Variants in ADAM28 observed in about 807,000 individuals in gnomAD.
The protein encoded by ADAM28 is ADAM metallopeptidase domain 28.
In ADAM28, 105 loss-of-function variants were observed where a neutral mutation model predicts 101.2. That is an observed-to-expected ratio of 1.04 (90% CI 0.89 to 1.22). The LOEUF is 1.22. Ranked by LOEUF, ADAM28 falls within the 50% of genes most tolerant of loss-of-function variation. ADAM28 has a pLI of 0.00. For missense variants in ADAM28, 1,028 were observed against 945.4 expected (o/e 1.09, Z -1.15); for synonymous variants, 322 against 310.6 (o/e 1.04, Z -0.39).
At chr8:24,294,225 T>G in intron 1 of ADAM28, 30 bp downstream of exon 1, 1 of 1,611,856 alleles carries the variant, frequency 6.2e-7, no homozygotes, top group Non-Finnish European at 8.5e-7. Flanking sequence ...TCAGGTTCTA[T>G]TGAATGCATT....
At chr8:24,321,005 GTAC>G (rs1224203887) in intron 7 of ADAM28, among the ~76,000 whole-genome samples, 1 of 151,860 alleles carries the variant, frequency 6.6e-6, no homozygotes, top group Non-Finnish European at 1.5e-5. Flanking sequence ...TACTGAGCTA[GTAC>G]TTCAGAAGAG....
intron 11 of ADAM28, among the ~76,000 whole-genome samples, chr8:24,330,886 A>G (rs1813275267): frequency 6.6e-6 from 1 of 152,180 alleles, no homozygotes; most frequent in African/African-American, 2.4e-5. Flanking sequence ...CAGATGATCT[A>G]AGATTATCTG....
At chr8:24,301,633 T>C (rs1258185434) in intron 2 of ADAM28, among the ~76,000 whole-genome samples, 1 of 152,118 alleles carries the variant, frequency 6.6e-6, no homozygotes, top group African/African-American at 2.4e-5. Flanking sequence ...AGCTTATACG[T>C]TTTCTAGCTA....
At chr8:24,298,139 A>T (rs1035869458) in intron 1 of ADAM28, among the ~76,000 whole-genome samples, 3 of 152,224 alleles carry the variant, frequency 2.0e-5, no homozygotes, top group Admixed American at 2.0e-4. Context: ...CTAGCTTTAG[A>T]AACCATTTAA....
At chr8:24,300,448 G>A (rs1430073358) in intron 2 of ADAM28, among the ~76,000 whole-genome samples, 2 of 151,618 alleles carry the variant, frequency 1.3e-5, no homozygotes, top group African/African-American at 2.4e-5. Flanking sequence ...ACAGAGTCTC[G>A]CTCTGTCGCC....
chr8:24,335,786 G>A lies in ADAM28; in HGVS notation c.1567+145G>A, dbSNP rs149724982. On this transcript the variant is annotated intron_variant, in intron 14 of 22. Transcript: ENST00000265769. ...ATCATGGAAAGGTTTTAAGATTTGA[G>A]GTTGGTTTTAGGGTTGCTAGATTTA... 690 of 1,315,088 alleles carry A rather than the reference G, an allele frequency of 5.2e-4. 5 individuals carry two copies. The African/African-American group carries it at 9.4e-3, about 18-fold the overall frequency. The allele number at this position is 1,315,088 out of a possible 1,614,324, so 81.5% of individuals were successfully genotyped here. A position where few individuals can be genotyped will look rare whatever the true frequency, so the allele number is the denominator to read the frequency against.
intron 7 of ADAM28, among the ~76,000 whole-genome samples, chr8:24,320,590 C>T (rs767323212): frequency 1.3e-4 from 19 of 151,910 alleles, no homozygotes; most frequent in Non-Finnish European, 2.5e-4. Flanking sequence ...CAATTACATT[C>T]TTCTGTCATT....
rs1474053741 is a variant in ADAM28 at position 24,357,068 on chromosome 8, C to CTGAGT, written c.*2666_*2670dup. 12 of 152,232 alleles carry CTGAGT rather than the reference C, an allele frequency of 7.9e-5. No individual in the cohort carries two copies. In the East Asian group the frequency reaches 2.3e-3, roughly 29 times the overall value. The allele number at this position is 152,232 out of a possible 1,614,324, so 9.4% of individuals were successfully genotyped here. A position where few individuals can be genotyped will look rare whatever the true frequency, so the allele number is the denominator to read the frequency against. On this transcript the variant is annotated 3_prime_UTR_variant, in exon 23 of 23. Coordinates refer to ENST00000265769, the MANE Select transcript of ADAM28 (RefSeq NM_014265.6). The stretch of plus-strand genomic sequence containing the variant: ...TAGCAGCCATTAAGAAAATGAGCCC[C>CTGAGT]TGAGTTCAACGACCCTCAAATGAAG...
chr8:24,316,922 A>G (rs1014876002), intron 6 of ADAM28, among the ~76,000 whole-genome samples: 2 of 152,066 alleles, frequency 1.3e-5, no homozygotes, highest in African/African-American at 4.8e-5. Flanking sequence ...TACACGAATA[A>G]CAACCTAGCC....
intron 20 of ADAM28, 138 bp downstream of exon 20, chr8:24,351,448 T>C: frequency 2.2e-6 from 2 of 918,820 alleles, no homozygotes; most frequent in Admixed American, 2.0e-5. Flanking sequence ...CCTTTGCCTT[T>C]TGTTAAAGGC....
intron 10 of ADAM28, among the ~76,000 whole-genome samples, chr8:24,327,095 G>A (rs947986620): frequency 2.6e-5 from 4 of 152,014 alleles, no homozygotes; most frequent in Non-Finnish European, 4.4e-5. Context: ...AGAAAGAGAG[G>A]AAGTCAAATT....
chr8:24,316,261 T>C (rs1261983279), intron 6 of ADAM28, among the ~76,000 whole-genome samples: 4 of 151,982 alleles, frequency 2.6e-5, no homozygotes, highest in African/African-American at 9.7e-5. Context: ...GTCATTCTTA[T>C]ATTCTTCTTT....
At chr8:24,324,825 G>GAT (rs746438165) in intron 9 of ADAM28, among the ~76,000 whole-genome samples, 33 of 151,932 alleles carry the variant, frequency 2.2e-4, no homozygotes, top group Non-Finnish European at 4.0e-4. Flanking sequence ...GGCTATCTTA[G>GAT]AGTAGGTGGA....
Position 24,299,999 on chromosome 8 carries a change from G to T in ADAM28, c.72G>T (p.Gly24=). The T allele has an allele frequency of 6.2e-7, 1 of 1,612,886 alleles. No homozygotes were observed. Residue 24 remains glycine (G), a synonymous_variant, in exon 2 of 23, where the codon GGG becomes GGT. Transcript: ENST00000265769. ...VAVSAIKELP[G]VKKYEVVYPI... ...TAAGTGCTATAAAAGAACTCCCTGG[G>T]GTGAAGAAGTATGAAGTGGTTTATC... is the stretch of plus-strand genomic sequence containing the variant.
Position 24,330,101 on chromosome 8 carries a change from G to A in ADAM28, c.1089G>A (p.Met363Ile), listed in dbSNP as rs747083377. 7 of 1,613,172 alleles carry A rather than the reference G, an allele frequency of 4.3e-6. No homozygotes were observed. In the East Asian group the frequency reaches 1.6e-4, roughly 36 times the overall value. The change falls in exon 11 of 23, where the codon ATG (methionine) becomes ATA (isoleucine). Residue 363 changes from methionine (M) to isoleucine (I), a missense_variant. Coordinates refer to ENST00000265769, the MANE Select transcript of ADAM28 (RefSeq NM_014265.6). ...SCKCPSTICV[M>I]DKALSFYIPT... ...AGTGTCCTTCTACAATATGTGTGATGGACAAAGCACTGAGGTGAGGCTCTC... is the reference window on the plus strand; with the variant it reads ...AGTGTCCTTCTACAATATGTGTGATAGACAAAGCACTGAGGTGAGGCTCTC...
intron 18 of ADAM28, among the ~76,000 whole-genome samples, chr8:24,345,945 C>T (rs1815350701): frequency 6.6e-6 from 1 of 152,002 alleles, no homozygotes; most frequent in Admixed American, 6.6e-5. Flanking sequence ...TCAACTTTAT[C>T]CCCCAAGCCT....
intron 18 of ADAM28, among the ~76,000 whole-genome samples, chr8:24,349,121 T>C (rs993366417): frequency 5.3e-5 from 8 of 152,212 alleles, no homozygotes; most frequent in African/African-American, 1.9e-4. Flanking sequence ...CTTGCATTTA[T>C]ACAAATATTA....
At chr8:24,321,578 GA>G (rs1811888577) in intron 8 of ADAM28, 1 of 388,780 alleles carries the variant, frequency 2.6e-6, no homozygotes, top group African/African-American at 2.1e-5. Context: ...AGAAAATGCT[GA>G]AGACCAAATC....
Position 24,309,892 on chromosome 8 carries a change from AG to A in ADAM28, c.151del. ...CAAGTAAATGTTTGTGTATTTTTGC[AG>A]GAACAATTTGAAACTGAATTAAAGT... On this transcript the variant is annotated splice_acceptor_variant, in intron 2 of 22. Transcript: ENST00000265769. LOFTEE classifies it high-confidence loss of function. 2 of 1,538,218 alleles carry A rather than the reference AG, an allele frequency of 1.3e-6. No individual in the cohort carries two copies. Among genetic ancestry groups the A allele is most frequent in the Non-Finnish European group, 1.8e-6 (2 of 1,116,836 alleles).
Sources: gnomAD v4.1 joint callset for allele counts (sites outside exome capture counted in the v4.1 genomes callset) on GRCh38, gnomAD v4.1.1 for gene constraint, MANE v1.5 for transcripts, NCBI Gene and HGNC (gene_info 2026-07-23, HGNC 2026-07-21) for gene names.